UBE2U: variants seen among roughly 807,000 people sequenced by gnomAD.
The protein encoded by UBE2U is ubiquitin-conjugating enzyme E2 U.
A neutral mutation model predicts 41.2 loss-of-function variants in UBE2U; 39 were observed. The observed-to-expected ratio is 0.95, with a 90% CI of 0.73 to 1.24. The LOEUF (loss-of-function observed/expected upper bound fraction) is 1.24, where lower values mean the gene tolerates loss of function less well. Among genes scored for constraint, UBE2U ranks in the 50% most tolerant of loss-of-function variants. The pLI is 0.00. For synonymous variants in UBE2U, 107 were observed against 117.8 expected (o/e 0.91, Z 0.60); for missense variants, 336 against 363.1 (o/e 0.93, Z 0.61).
chr1:64,258,474 C>T (rs2100538524), intron 8 of UBE2U, among the ~76,000 whole-genome samples: 1 of 151,924 alleles, frequency 6.6e-6, no homozygotes, highest in African/African-American at 2.4e-5. Context: ...CTCCCCCATC[C>T]CCCCACCCCA....
At chr1:64,220,241 GGAGAGA>G (rs3074174) in intron 5 of UBE2U, among the ~76,000 whole-genome samples, 1 of 149,106 alleles carries the variant, frequency 6.7e-6, no homozygotes, top group South Asian at 2.1e-4. Context: ...CCAGGCTTGT[GGAGAGA>G]GAGAGAGAGA....
chr1:64,252,109 A>G lies in UBE2U; in HGVS notation c.678-8494A>G, dbSNP rs561984430. Among the ~76,000 whole-genome samples, 23 of 151,904 alleles carry G rather than the reference A, an allele frequency of 1.5e-4. No homozygotes were observed. In the South Asian group the frequency reaches 4.6e-3, roughly 30 times the overall value. Reference sequence around the variant, plus strand: ...ATTCCAGACGAGGAGGGGTCTCCCCACCAACACAACACACCTGCTTTGCCA... The same window carrying G: ...ATTCCAGACGAGGAGGGGTCTCCCCGCCAACACAACACACCTGCTTTGCCA... On this transcript the variant is annotated intron_variant, in intron 8 of 9. Transcript: ENST00000371077.
rs183018472 is a variant in UBE2U, at chr1:64,221,273, G to C, written c.506+366G>C. On this transcript the variant is annotated intron_variant, in intron 6 of 9. Transcript: ENST00000371077. ...ATTATAGGCACCTTCCACCACACCC[G>C]GCTAATTTTTTGTATTTTTAGTAGA... is the stretch of plus-strand genomic sequence containing the variant. Among the ~76,000 whole-genome samples, 183 of 151,976 alleles carry C rather than the reference G, an allele frequency of 1.2e-3. 3 individuals are homozygous for C. Among genetic ancestry groups the C allele is most frequent in the African/African-American group, 4.3e-3 (179 of 41,444 alleles).
intron 7 of UBE2U, among the ~76,000 whole-genome samples, chr1:64,236,420 A>G (rs1256527974): frequency 6.6e-6 from 1 of 152,190 alleles, no homozygotes; most frequent in East Asian, 1.9e-4. Flanking sequence ...ATTTGTAAAT[A>G]ATTATAATTT....
intron 8 of UBE2U, among the ~76,000 whole-genome samples, chr1:64,246,143 T>C (rs912879167): frequency 6.6e-5 from 10 of 150,822 alleles, no homozygotes; most frequent in African/African-American, 2.5e-4. Context: ...TTTTTTCTTA[T>C]ATGTAAAAAA....
chr1:64,265,149 T>C (rs1383289515), intron 9 of UBE2U, among the ~76,000 whole-genome samples: 3 of 152,124 alleles, frequency 2.0e-5, no homozygotes, highest in Non-Finnish European at 4.4e-5. Context: ...TCTCTTGCTA[T>C]GCACCTGAAG....
At position 64,210,801 on chromosome 1, in the gene UBE2U, A is replaced by G. The variant is rs1475129856; in HGVS notation, c.301A>G (p.Thr101Ala). The G allele has an allele frequency of 1.9e-6, 3 of 1,607,862 alleles. No individual in the cohort carries two copies. The highest frequency in any genetic ancestry group is 1.7e-6 in the Non-Finnish European group (2 of 1,176,222). Reference sequence around the variant, plus strand: ...TTTGGACAACCCTGAGAAGTGGAATACAAACTATACATTGAGCAGCATCTT... The same window carrying G: ...TTTGGACAACCCTGAGAAGTGGAATGCAAACTATACATTGAGCAGCATCTT... ...DFLDNPEKWN[T>A]NYTLSSILLA... The change falls in exon 4 of 10, where the codon ACA (threonine) becomes GCA (alanine). Residue 101 changes from threonine to alanine, a missense_variant. By Grantham distance (58) the Thr-to-Ala change is moderately conservative (BLOSUM62 0). Transcript: ENST00000371077.
At chr1:64,265,213 C>A (rs1001738227) in intron 9 of UBE2U, among the ~76,000 whole-genome samples, 1 of 152,106 alleles carries the variant, frequency 6.6e-6, no homozygotes, top group Non-Finnish European at 1.5e-5. Context: ...CTGTGTCCTT[C>A]GTGACATTGT....
chr1:64,206,993 G>A (rs958744162), intron 3 of UBE2U, 137 bp downstream of exon 3: 11 of 648,850 alleles, frequency 1.7e-5, no homozygotes, highest in Non-Finnish European at 2.7e-5. Context: ...ATATGAAAAG[G>A]CTGGAAAAAA....
At chr1:64,255,621 C>A (rs989532646) in intron 8 of UBE2U, among the ~76,000 whole-genome samples, 1 of 152,066 alleles carries the variant, frequency 6.6e-6, no homozygotes, top group African/African-American at 2.4e-5. Context: ...GCTCAACATA[C>A]ACAAATCAAT....
chr1:64,228,311 G>A (rs1653019324), intron 6 of UBE2U, among the ~76,000 whole-genome samples: 2 of 152,164 alleles, frequency 1.3e-5, no homozygotes, highest in South Asian at 4.1e-4. Context: ...CAGAGTGTAT[G>A]GTATCTACAT....
chr1:64,214,411 AT>A (rs1276508055), intron 4 of UBE2U, among the ~76,000 whole-genome samples: 1 of 152,240 alleles, frequency 6.6e-6, no homozygotes, highest in Non-Finnish European at 1.5e-5. Context: ...TTGATAACAA[AT>A]TAGATACATT....
chr1:64,221,135 G>C (rs973125595), intron 6 of UBE2U, among the ~76,000 whole-genome samples: 2 of 152,092 alleles, frequency 1.3e-5, no homozygotes, highest in African/African-American at 4.8e-5. Flanking sequence ...TTCTGAGATG[G>C]AGTTTTGCTC....
intron 7 of UBE2U, among the ~76,000 whole-genome samples, chr1:64,239,169 GAA>G (rs1352503465): frequency 1.1e-5 from 1 of 91,054 alleles, no homozygotes; most frequent in African/African-American, 5.1e-5. Context: ...AGAAGAAGAA[GAA>G]GAAGAAGAAG....
rs56972795 is a variant in UBE2U at position 64,208,603 on chromosome 1, CAAAAAAAAAAAAAAAAAAAAAAAAAA to C, written c.241+1765_241+1790del. 3.3e-3 allele frequency among the ~76,000 whole-genome samples: 119 copies of C among 36,512 alleles called. 1 individual carries two copies. Among genetic ancestry groups the C allele is most frequent in the African/African-American group, 0.01 (83 of 8,054 alleles). The allele number at this position is 36,512 out of a possible 152,430, so 24.0% of individuals were successfully genotyped here. ...TGGGCAACAGAACAAGACGCTGTCT[CAAAAAAAAAAAAAAAAAAAAAAAAAA>C]AAAAAAAAAAAAAAAAAGATGTTTA... On this transcript the variant is annotated intron_variant, in intron 3 of 9. Coordinates refer to ENST00000371077, the MANE Select transcript of UBE2U (RefSeq NM_001366232.2).
At chr1:64,239,064 A>C (rs1644729194) in intron 7 of UBE2U, among the ~76,000 whole-genome samples, 1 of 67,804 alleles carries the variant, frequency 1.5e-5, no homozygotes, top group Non-Finnish European at 2.9e-5. Flanking sequence ...GAAGAAGAAG[A>C]AGAGGAAGAG....
chr1:64,215,197 C>G (rs1651920004), intron 5 of UBE2U, among the ~76,000 whole-genome samples: 1 of 152,024 alleles, frequency 6.6e-6, no homozygotes, highest in South Asian at 2.1e-4. Flanking sequence ...TGCCATTGCA[C>G]TCTAGCCCGG....
At chr1:64,246,937 C>T (rs1327834621) in intron 8 of UBE2U, among the ~76,000 whole-genome samples, 1 of 152,122 alleles carries the variant, frequency 6.6e-6, no homozygotes, top group East Asian at 1.9e-4. Flanking sequence ...CCATGTCAGA[C>T]ACTGAGGACC....
chr1:64,232,873 C>T (rs975619476), intron 7 of UBE2U, among the ~76,000 whole-genome samples: 1 of 152,144 alleles, frequency 6.6e-6, no homozygotes, highest in Non-Finnish European at 1.5e-5. Flanking sequence ...CTCTGTCATC[C>T]AGGCTGGAGT....
Sources: allele counts gnomAD v4.1 joint callset (sites outside exome capture counted in the v4.1 genomes callset), GRCh38; gene constraint gnomAD v4.1.1; transcripts MANE v1.5; gene names NCBI Gene and HGNC (gene_info 2026-07-23, HGNC 2026-07-21).